MCHR2: variants seen among roughly 807,000 people sequenced by gnomAD.
MCHR2 encodes the protein melanin-concentrating hormone receptor 2.
MCHR2 carries 15 observed loss-of-function variants against 24.8 expected under a neutral mutation model. The ratio of observed to expected loss-of-function variants is 0.60; its 90% confidence interval spans 0.40 to 0.93. The LOEUF (loss-of-function observed/expected upper bound fraction) is 0.93, where lower values mean the gene tolerates loss of function less well. Among genes scored for constraint, MCHR2 ranks in the 40% least tolerant of loss-of-function variants. MCHR2 has a pLI of 0.00. For missense variants in MCHR2, 386 were observed against 408.7 expected (o/e 0.94, Z 0.48); for synonymous variants, 151 against 147.6 (o/e 1.02, Z -0.17).
intron 1 of MCHR2, among the ~76,000 whole-genome samples, chr6:99,971,469 T>C (rs985954094): frequency 2.0e-5 from 3 of 152,072 alleles, no homozygotes; most frequent in Middle Eastern, 3.2e-3. Context: ...GGCTGAGACA[T>C]TGGGGTTTTC....
intron 1 of MCHR2, among the ~76,000 whole-genome samples, chr6:99,969,422 C>G (rs1286483682): frequency 8.4e-6 from 1 of 118,528 alleles, no homozygotes; most frequent in Non-Finnish European, 1.6e-5. Flanking sequence ...TGCAGTGAGC[C>G]AAGATCATGC....
Position 99,976,473 on chromosome 6 carries a change from T to A in MCHR2, c.-28+17463A>T, listed in dbSNP as rs534504413. On this transcript the variant is annotated intron_variant, in intron 1 of 5. Transcript: ENST00000281806. ...GAGATGAAGCATGGATGGTGACTGA[T>A]GGTGTGAAGGAGCAGAACTGCTGTA... Among the ~76,000 whole-genome samples the A allele has an allele frequency of 4.9e-4, 74 of 152,358 alleles. 2 individuals are homozygous for A. In the South Asian group the frequency reaches 0.012, roughly 25 times the overall value.
At chr6:99,962,187 A>T (rs961242106) in intron 1 of MCHR2, among the ~76,000 whole-genome samples, 1 of 152,200 alleles carries the variant, frequency 6.6e-6, no homozygotes, top group African/African-American at 2.4e-5. Context: ...TGTGACAGTC[A>T]GTCTGATAAC....
chr6:99,968,879 G>A (rs925006062), intron 1 of MCHR2, among the ~76,000 whole-genome samples: 1 of 151,846 alleles, frequency 6.6e-6, no homozygotes, highest in African/African-American at 2.4e-5. Context: ...CATAATCTAT[G>A]GGCCAGATAA....
intron 1 of MCHR2, among the ~76,000 whole-genome samples, chr6:99,962,194 T>C (rs779603422): frequency 6.6e-6 from 1 of 152,210 alleles, no homozygotes; most frequent in Admixed American, 6.6e-5. Context: ...GTCAGTCTGA[T>C]AACTGAGACA....
chr6:99,930,386 C>G (rs1420974460), intron 5 of MCHR2, among the ~76,000 whole-genome samples: 3 of 152,106 alleles, frequency 2.0e-5, no homozygotes, highest in Non-Finnish European at 4.4e-5. Flanking sequence ...ATGTTGGCCT[C>G]CCTCGCTAGA....
rs142935487 is a variant in MCHR2, at chr6:99,947,877, A to G, written c.277T>C (p.Trp93Arg). The change falls in exon 3 of 6, where the codon TGG (tryptophan) becomes CGG (arginine). Residue 93 changes from tryptophan to arginine, a missense_variant. Coordinates refer to ENST00000281806, the MANE Select transcript of MCHR2 (RefSeq NM_001040179.2). ...AACACCCACTCTCCCCCTCGGGCCCATTGGTGAATAAGAAAAGGCATTCCA... is the reference window on the plus strand; with the variant it reads ...AACACCCACTCTCCCCCTCGGGCCCGTTGGTGAATAAGAAAAGGCATTCCA... Reference protein sequence around the residue: ...IVGMPFLIHQWARGGEWVFGG... With the variant: ...IVGMPFLIHQRARGGEWVFGG... 1.2e-6 allele frequency: 2 copies of G among 1,613,630 alleles called. No homozygotes were observed. The highest frequency in any genetic ancestry group is 2.7e-5 in the African/African-American group (2 of 74,884).
At chr6:99,927,361 A>G (rs564751543) in intron 5 of MCHR2, among the ~76,000 whole-genome samples, 2 of 152,106 alleles carry the variant, frequency 1.3e-5, no homozygotes, top group Non-Finnish European at 2.9e-5. Flanking sequence ...AGTTTTTTCC[A>G]ATTCTGTGAA....
chr6:99,969,488 A>AAAAAG (rs71545797), intron 1 of MCHR2, among the ~76,000 whole-genome samples: 6 of 148,744 alleles, frequency 4.0e-5, no homozygotes, highest in South Asian at 2.2e-4. Context: ...AAAAAAAAAA[A>AAAAAG]AAAAGAAAAG....
At chr6:99,990,824 C>T (rs926454832) in intron 1 of MCHR2, among the ~76,000 whole-genome samples, 1 of 151,114 alleles carries the variant, frequency 6.6e-6, no homozygotes, top group Non-Finnish European at 1.5e-5. Context: ...CAATCCTGGA[C>T]CCTGCCCAAG....
intron 4 of MCHR2, among the ~76,000 whole-genome samples, chr6:99,938,007 A>G (rs1041789814): frequency 4.6e-5 from 7 of 151,710 alleles, no homozygotes; most frequent in Admixed American, 3.9e-4. Flanking sequence ...GATTCATTAC[A>G]GTTTCTAATG....
At chr6:99,922,349 C>A (rs1054988715) in intron 5 of MCHR2, among the ~76,000 whole-genome samples, 3 of 152,038 alleles carry the variant, frequency 2.0e-5, no homozygotes, top group African/African-American at 7.2e-5. Flanking sequence ...CCTCGCGATC[C>A]GCCCGCCTCG....
intron 4 of MCHR2, among the ~76,000 whole-genome samples, chr6:99,942,477 CCTTAA>C (rs1198489876): frequency 1.3e-5 from 2 of 152,154 alleles, no homozygotes; most frequent in Admixed American, 1.3e-4. Context: ...TCCAGCATGA[CCTTAA>C]CTTAGCTTGA....
chr6:99,981,157 G>A (rs116899899), intron 1 of MCHR2, among the ~76,000 whole-genome samples: 5,402 of 152,082 alleles, frequency 0.036, 123 homozygotes, highest in Non-Finnish European at 0.049. Context: ...TATTATTATT[G>A]TTGTTACTAT....
intron 1 of MCHR2, among the ~76,000 whole-genome samples, chr6:99,957,123 T>TG (rs1775079764): frequency 6.6e-6 from 1 of 152,114 alleles, no homozygotes; most frequent in Admixed American, 6.6e-5. Flanking sequence ...AGAAGGCACT[T>TG]ATGGATGACA....
intron 4 of MCHR2, among the ~76,000 whole-genome samples, chr6:99,940,956 G>A (rs1025192465): frequency 1.3e-5 from 2 of 152,092 alleles, no homozygotes; most frequent in Non-Finnish European, 2.9e-5. Flanking sequence ...CTTTGGCTGA[G>A]TTACAGAGCA....
At chr6:99,957,112 T>C (rs1775079565) in intron 1 of MCHR2, among the ~76,000 whole-genome samples, 1 of 152,150 alleles carries the variant, frequency 6.6e-6, no homozygotes, top group Non-Finnish European at 1.5e-5. Context: ...TATCTTGATT[T>C]AGAAGGCACT....
In MCHR2 at chr6:99,965,813, T is replaced by C. The variant is rs1322003014; in HGVS notation, c.-27-9639A>G. 2.6e-5 allele frequency among the ~76,000 whole-genome samples: 4 copies of C among 152,162 alleles called. 1 individual carries two copies. Among genetic ancestry groups the C allele is most frequent in the Non-Finnish European group, 5.9e-5 (4 of 68,000 alleles). ...CAAACTTTTTCCAATGAATTATGTATAGCAATTTTTATGATCTCACAAATC... is the reference window on the plus strand; with the variant it reads ...CAAACTTTTTCCAATGAATTATGTACAGCAATTTTTATGATCTCACAAATC... On this transcript the variant is annotated intron_variant, in intron 1 of 5. Transcript: ENST00000281806.
intron 1 of MCHR2, among the ~76,000 whole-genome samples, chr6:99,986,720 A>G (rs1216454526): frequency 2.0e-5 from 3 of 151,972 alleles, no homozygotes; most frequent in Non-Finnish European, 4.4e-5. Flanking sequence ...TATAGGGTAC[A>G]ATATATCCTA....
Sources: gnomAD v4.1 joint callset for allele counts (sites outside exome capture counted in the v4.1 genomes callset) on GRCh38, gnomAD v4.1.1 for gene constraint, MANE v1.5 for transcripts, NCBI Gene and HGNC (gene_info 2026-07-23, HGNC 2026-07-21) for gene names.